CNTN5: variants seen among roughly 807,000 people sequenced by gnomAD.
CNTN5 encodes contactin-5.
CNTN5 carries 77 observed loss-of-function variants against 129.1 expected under a neutral mutation model. The observed-to-expected ratio is 0.60, with a 90% CI of 0.50 to 0.72. The LOEUF (loss-of-function observed/expected upper bound fraction) is 0.72, where lower values mean the gene tolerates loss of function less well. Ranked by LOEUF, CNTN5 falls within the 30% of genes least tolerant of loss-of-function variation. The probability of loss-of-function intolerance (pLI) is 0.00; values close to 1 mark genes in which losing one functional copy is unlikely to be tolerated. For missense variants in CNTN5, 1,478 were observed against 1,328.8 expected, an observed-to-expected ratio of 1.11 and a Z score of -1.75; for synonymous variants, 509 against 465.6, an observed-to-expected ratio of 1.09 and a Z score of -1.20.
intron 4 of CNTN5, among the ~76,000 whole-genome samples, chr11:99,836,470 A>T (rs186505119): frequency 1.3e-5 from 2 of 151,644 alleles, no homozygotes; most frequent in Admixed American, 1.3e-4. Context: ...AAGGACATAA[A>T]CTCATCCTTT....
chr11:99,176,620 T>C (rs1857787084), intron 1 of CNTN5, among the ~76,000 whole-genome samples: 1 of 152,232 alleles, frequency 6.6e-6, no homozygotes, highest in South Asian at 2.1e-4. Context: ...GCTTCTCTTT[T>C]TCTTACACAT....
At chr11:100,293,965 GA>G (rs780701601) in intron 18 of CNTN5, among the ~76,000 whole-genome samples, 10 of 150,874 alleles carry the variant, frequency 6.6e-5, no homozygotes, top group South Asian at 2.1e-4. Context: ...AATTTGAGTA[GA>G]AAAAAAAATT....
At chr11:99,550,210 G>C (rs1948437062) in intron 2 of CNTN5, among the ~76,000 whole-genome samples, 1 of 152,054 alleles carries the variant, frequency 6.6e-6, no homozygotes, top group Non-Finnish European at 1.5e-5. Flanking sequence ...ACTGTCATTT[G>C]CTTTTCTAAG....
At chr11:100,321,185 T>C (rs1012989252) in intron 21 of CNTN5, among the ~76,000 whole-genome samples, 2 of 152,084 alleles carry the variant, frequency 1.3e-5, no homozygotes, top group African/African-American at 4.8e-5. Flanking sequence ...TCCATGAACA[T>C]AGGATTTTTT....
At chr11:100,040,424 A>T (rs984969836) in intron 9 of CNTN5, among the ~76,000 whole-genome samples, 1 of 152,198 alleles carries the variant, frequency 6.6e-6, no homozygotes, top group Non-Finnish European at 1.5e-5. Flanking sequence ...TCATGGACCC[A>T]CTTGAGGAGG....
intron 1 of CNTN5, among the ~76,000 whole-genome samples, chr11:99,316,256 A>T (rs1865337561): frequency 6.6e-6 from 1 of 152,216 alleles, no homozygotes; most frequent in African/African-American, 2.4e-5. Context: ...TGATGATGGC[A>T]GGAAGTTTGT....
At chr11:99,782,844 C>T (rs1014970631) in intron 3 of CNTN5, among the ~76,000 whole-genome samples, 12 of 151,782 alleles carry the variant, frequency 7.9e-5, no homozygotes, top group Non-Finnish European at 1.8e-4. Context: ...GGATTAAAGA[C>T]TTAAACGTTA....
chr11:99,560,379 G>T (rs987150303), intron 3 of CNTN5, among the ~76,000 whole-genome samples: 1 of 151,488 alleles, frequency 6.6e-6, no homozygotes, highest in Non-Finnish European at 1.5e-5. Context: ...TGCCATCTCT[G>T]CCTCCGGGTT....
chr11:99,713,793 T>C (rs957196249), intron 3 of CNTN5, among the ~76,000 whole-genome samples: 4 of 151,972 alleles, frequency 2.6e-5, no homozygotes, highest in Admixed American at 2.6e-4. Flanking sequence ...ATTTTTTCCC[T>C]TCATTTAAAG....
At chr11:99,627,531 C>T (rs1951175425) in intron 3 of CNTN5, among the ~76,000 whole-genome samples, 1 of 151,976 alleles carries the variant, frequency 6.6e-6, no homozygotes, top group African/African-American at 2.4e-5. Flanking sequence ...TTAAAAATAA[C>T]ACTTCAAGGT....
At chr11:99,427,054 GGCAGAAAAACAAAA>G (rs1943150521) in intron 2 of CNTN5, among the ~76,000 whole-genome samples, 1 of 152,098 alleles carries the variant, frequency 6.6e-6, no homozygotes, top group Non-Finnish European at 1.5e-5. Context: ...GTTACCGAAA[GGCAGAAAAACAAAA>G]ACAAAAACCT....
intron 1 of CNTN5, among the ~76,000 whole-genome samples, chr11:99,039,715 G>T (rs2135131053): frequency 6.6e-6 from 1 of 152,196 alleles, no homozygotes; most frequent in Admixed American, 6.5e-5. Context: ...GTGTGTACTT[G>T]CTCCTGAGCA....
chr11:100,093,134 A>G (rs1944860790), intron 13 of CNTN5, among the ~76,000 whole-genome samples: 1 of 152,030 alleles, frequency 6.6e-6, no homozygotes, highest in Admixed American at 6.6e-5. Context: ...TGCGGGGTTG[A>G]CTCAAAGACA....
At chr11:99,961,855 C>T (rs1457953860) in intron 8 of CNTN5, among the ~76,000 whole-genome samples, 1 of 152,180 alleles carries the variant, frequency 6.6e-6, no homozygotes. Flanking sequence ...TGGTCATCCA[C>T]ACACCCCATT....
At chr11:99,286,040 G>GAAAA (rs1555101324) in intron 1 of CNTN5, among the ~76,000 whole-genome samples, 1 of 92,988 alleles carries the variant, frequency 1.1e-5, no homozygotes, top group African/African-American at 3.8e-5. Context: ...TCCATCTGGA[G>GAAAA]AAAAAAAAAA....
chr11:99,152,585 C>T (rs2135491444), intron 1 of CNTN5, among the ~76,000 whole-genome samples: 1 of 152,288 alleles, frequency 6.6e-6, no homozygotes, highest in South Asian at 2.1e-4. Flanking sequence ...CTGAGTTTTA[C>T]TATTTTATTC....
intron 6 of CNTN5, among the ~76,000 whole-genome samples, chr11:99,889,922 A>G (rs1949013905): frequency 6.6e-6 from 1 of 152,192 alleles, no homozygotes; most frequent in Non-Finnish European, 1.5e-5. Context: ...AATTATTTTT[A>G]AAAATTATAT....
chr11:100,020,698 CTATTAGA>C (rs1941094696), intron 9 of CNTN5, among the ~76,000 whole-genome samples: 1 of 152,004 alleles, frequency 6.6e-6, no homozygotes, highest in Non-Finnish European at 1.5e-5. Context: ...CAACAAAAAG[CTATTAGA>C]ACCAATAAAC....
chr11:99,414,538 A>G (rs1942556159), intron 2 of CNTN5, among the ~76,000 whole-genome samples: 1 of 152,148 alleles, frequency 6.6e-6, no homozygotes, highest in Non-Finnish European at 1.5e-5. Context: ...TTCAGCAATG[A>G]ACAAATACAT....
Sources: gnomAD v4.1 joint callset for allele counts (sites outside exome capture counted in the v4.1 genomes callset) on GRCh38, gnomAD v4.1.1 for gene constraint, MANE v1.5 for transcripts, NCBI Gene and HGNC (gene_info 2026-07-23, HGNC 2026-07-21) for gene names.